RGPD8: variants seen among roughly 807,000 people sequenced by gnomAD.
The protein encoded by RGPD8 is RANBP2-like and GRIP domain-containing protein 8.
A neutral mutation model predicts 89.1 loss-of-function variants in RGPD8; 15 were observed. That is an observed-to-expected ratio of 0.17 (90% CI 0.11 to 0.26). The LOEUF (loss-of-function observed/expected upper bound fraction) is 0.26, where lower values mean the gene tolerates loss of function less well. Among genes scored for constraint, RGPD8 ranks in the 10% least tolerant of loss-of-function variants. The pLI is 1.00. For missense variants in RGPD8, 178 were observed against 1,179.6 expected (o/e 0.15, Z 12.44); for synonymous variants, 62 against 420.9 (o/e 0.15, Z 10.44).
At chr2:112,387,739 G>A (rs1678512186) in intron 20 of RGPD8, among the ~76,000 whole-genome samples, 1 of 144,364 alleles carries the variant, frequency 6.9e-6, no homozygotes, top group African/African-American at 2.5e-5. Flanking sequence ...TCACGTTAAT[G>A]CGCATGATTC....
rs939812448 is a variant in RGPD8 at position 112,433,628 on chromosome 2, T to C, written c.-175A>G. On this transcript the variant is annotated 5_prime_UTR_variant, in exon 1 of 23. Transcript: ENST00000302558. ...GAGGCCCACTGTGACGAACCTGCGT[T>C]CTGCCTCAGCACTGTGTATCCTCGG... 4.7e-4 allele frequency: 359 copies of C among 759,604 alleles called. No individual in the cohort carries two copies. The highest frequency in any genetic ancestry group is 6.9e-4 in the Non-Finnish European group (334 of 481,146). 47.1% of individuals were successfully genotyped at this position (759,604 alleles called of 1,614,324 possible).
rs1390773424 is a variant in RGPD8, at chr2:112,390,015, G to C, written c.2930C>G (p.Ser977Ter). 1 of 1,576,440 alleles carries C rather than the reference G, an allele frequency of 6.3e-7. No individual in the cohort carries two copies. The highest frequency in any genetic ancestry group is 1.4e-5 in the African/African-American group (1 of 69,836). The change falls in exon 20 of 23, where the codon TCA (serine) becomes TGA (stop). Residue 977 changes from serine to a stop codon, truncating the protein, a stop_gained. Coordinates refer to ENST00000302558, the MANE Select transcript of RGPD8 (RefSeq NM_001164463.1). LOFTEE classifies it high-confidence loss of function. ...AAACTGAAATCCTTCTCCTGAAGTT[G>C]ATTTTGCAACATCTGCAAATGTAAA... ...STFTFADVAK[S>*]TSGEGFQFGK...
intron 22 of RGPD8, among the ~76,000 whole-genome samples, chr2:112,374,775 G>T: frequency 7.2e-6 from 1 of 138,872 alleles, no homozygotes; most frequent in African/African-American, 2.6e-5. Context: ...AAACATGTTT[G>T]ATGTCTTTTC....
chr2:112,425,414 C>T (rs1291083184), intron 1 of RGPD8, among the ~76,000 whole-genome samples: 10 of 151,992 alleles, frequency 6.6e-5, no homozygotes, highest in East Asian at 3.9e-4. Flanking sequence ...AAGTAATAAA[C>T]GAGGTCCACA....
rs555701430 is a variant in RGPD8 at position 112,390,820 on chromosome 2, G to A, written c.2697+155C>T. 1.3e-3 allele frequency among the ~76,000 whole-genome samples: 193 copies of A among 145,382 alleles called. 23 individuals carry two copies. Among genetic ancestry groups the A allele is most frequent in the African/African-American group, 4.7e-3 (189 of 39,914 alleles). On this transcript the variant is annotated intron_variant, in intron 19 of 22. Transcript: ENST00000302558. ...AACACAAAAATAAGGTGACTGAGAA[G>A]GATAATTTCTGTATTTGGAGATAAA...
intron 7 of RGPD8, among the ~76,000 whole-genome samples, chr2:112,408,758 G>A (rs1333314227): frequency 1.2e-3 from 185 of 150,246 alleles, no homozygotes; most frequent in African/African-American, 1.7e-3. Context: ...TGCAACCTCC[G>A]CCTCCTGGTT....
chr2:112,423,976 G>A (rs1353188560), intron 2 of RGPD8, among the ~76,000 whole-genome samples: 1 of 152,134 alleles, frequency 6.6e-6, no homozygotes, highest in African/African-American at 2.4e-5. Context: ...TACTCCAACA[G>A]AAGACAATTT....
chr2:112,390,210 C>G lies in RGPD8; in HGVS notation c.2735G>C (p.Gly912Ala), dbSNP rs747319102. 1.3e-6 allele frequency: 2 copies of G among 1,573,108 alleles called. No homozygotes were observed. Among genetic ancestry groups the G allele is most frequent in the Non-Finnish European group, 1.7e-6 (2 of 1,154,674 alleles). The part of the protein sequence containing the change: ...SNTEFKSTKE[G>A]FSIPVSADGF... ...ATCAGCAGACACAGGGATGGAAAAT[C>G]CTTCTTTGGTTGACTTAAATTCTGT... Residue 912 changes from glycine (G) to alanine (A), a missense_variant, in exon 20 of 23, where the codon GGA becomes GCA. Physicochemically the swap from Gly to Ala is moderately conservative, Grantham distance 60. Coordinates refer to ENST00000302558, the MANE Select transcript of RGPD8 (RefSeq NM_001164463.1).
intron 6 of RGPD8, among the ~76,000 whole-genome samples, chr2:112,413,651 A>G (rs1303318889): frequency 7.2e-6 from 1 of 137,956 alleles, no homozygotes; most frequent in East Asian, 1.9e-4. Flanking sequence ...TACAATACCA[A>G]AAAAAATTTA....
intron 7 of RGPD8, among the ~76,000 whole-genome samples, chr2:112,408,825 C>A (rs1221443829): frequency 6.6e-6 from 1 of 151,888 alleles, no homozygotes; most frequent in Non-Finnish European, 1.5e-5. Context: ...GCACCCGCCA[C>A]CATGCGTGGC....
At chr2:112,429,186 T>C (rs1417652461) in intron 1 of RGPD8, among the ~76,000 whole-genome samples, 1 of 151,536 alleles carries the variant, frequency 6.6e-6, no homozygotes, top group Non-Finnish European at 1.5e-5. Context: ...TTTGGGAGGC[T>C]GAGGCGGGCG....
At chr2:112,429,189 GGC>G (rs1679906251) in intron 1 of RGPD8, among the ~76,000 whole-genome samples, 1 of 151,770 alleles carries the variant, frequency 6.6e-6, no homozygotes, top group South Asian at 2.1e-4. Flanking sequence ...GGGAGGCTGA[GGC>G]GGGCGGATCA....
chr2:112,432,178 G>T (rs190020143), intron 1 of RGPD8, among the ~76,000 whole-genome samples: 112 of 152,206 alleles, frequency 7.4e-4, no homozygotes, highest in African/African-American at 2.6e-3. Context: ...ACCTTTAATA[G>T]CTTCTTCCGT....
intron 9 of RGPD8, among the ~76,000 whole-genome samples, 180 bp downstream of exon 9, chr2:112,403,780 AAACAAC>A (rs1228399497): frequency 3.1e-5 from 2 of 63,500 alleles, no homozygotes; most frequent in African/African-American, 7.2e-5. Flanking sequence ...TTGGTCTCAA[AAACAAC>A]AACAACAACA....
intron 1 of RGPD8, among the ~76,000 whole-genome samples, chr2:112,429,415 CAAAAAAA>C (rs71412832): frequency 1.5e-4 from 7 of 45,756 alleles, no homozygotes; most frequent in African/African-American, 4.9e-4. Context: ...GACTCCGTCT[CAAAAAAA>C]AAAAAAAAAA....
chr2:112,423,779 C>T (rs909243191), intron 2 of RGPD8, among the ~76,000 whole-genome samples: 4 of 152,152 alleles, frequency 2.6e-5, no homozygotes, highest in African/African-American at 4.8e-5. Context: ...ATCAGAATCA[C>T]CAAGCTTCTT....
Position 112,433,386 on chromosome 2 carries a change from C to G in RGPD8, c.68G>C (p.Arg23Pro), listed in dbSNP as rs773316720. The G allele has an allele frequency of 3.0e-5, 48 of 1,610,246 alleles. No homozygotes were observed. Among genetic ancestry groups the G allele is most frequent in the South Asian group, 4.4e-5 (4 of 90,946 alleles). ...CTCTCTTCCAGACCCACTCACCTGT[C>G]GAGGCGACGGGGTGAGACCCAGCAC... ...ASVLGLTPSPRQKSMKGFYFA... is the reference protein window; with the variant it reads ...ASVLGLTPSPPQKSMKGFYFA... The change falls in exon 1 of 23, where the codon CGA becomes CCA. Residue 23 changes from arginine (R) to proline (P), a missense_variant. Transcript: ENST00000302558.
intron 1 of RGPD8, among the ~76,000 whole-genome samples, chr2:112,424,934 C>T (rs1398598101): frequency 6.7e-6 from 1 of 149,714 alleles, no homozygotes; most frequent in Non-Finnish European, 1.5e-5. Flanking sequence ...CATAGTGGAG[C>T]ATGCCTGTGT....
At chr2:112,429,143 G>A (rs1380419078) in intron 1 of RGPD8, among the ~76,000 whole-genome samples, 9 of 151,876 alleles carry the variant, frequency 5.9e-5, no homozygotes, top group South Asian at 4.2e-4. Context: ...AAATGGGGCC[G>A]GGCGCGGTGG....
Sources: gnomAD v4.1 joint callset for allele counts (sites outside exome capture counted in the v4.1 genomes callset) on GRCh38, gnomAD v4.1.1 for gene constraint, MANE v1.5 for transcripts, NCBI Gene and HGNC (gene_info 2026-07-23, HGNC 2026-07-21) for gene names.